TLK1: variants seen among roughly 807,000 people sequenced by gnomAD.
TLK1 encodes tousled like kinase 1, also known as serine/threonine-protein kinase tousled-like 1.
In TLK1, 24 loss-of-function variants were observed where a neutral mutation model predicts 105.3. That is an observed-to-expected ratio of 0.23 (90% confidence interval 0.17 to 0.32). The LOEUF (loss-of-function observed/expected upper bound fraction) is 0.32, where lower values mean the gene tolerates loss of function less well. TLK1 is among the 10% of genes least tolerant of loss of function. TLK1 has a pLI of 1.00. For missense variants in TLK1, 558 were observed against 910.5 expected, an observed-to-expected ratio of 0.61 and a Z score of 4.98; for synonymous variants, 321 against 310.4, an observed-to-expected ratio of 1.03 and a Z score of -0.36.
intron 1 of TLK1, among the ~76,000 whole-genome samples, chr2:171,152,930 G>C (rs1421467507): frequency 6.6e-6 from 1 of 152,130 alleles, no homozygotes; most frequent in African/African-American, 2.4e-5. Context: ...ATGAAGTGTA[G>C]GATTTGCACA....
At chr2:171,019,289 G>C (rs1055237379) in intron 12 of TLK1, among the ~76,000 whole-genome samples, 2 of 152,172 alleles carry the variant, frequency 1.3e-5, no homozygotes, top group Non-Finnish European at 2.9e-5. Flanking sequence ...TAGCAATGTA[G>C]AATTTCTGTA....
intron 12 of TLK1, among the ~76,000 whole-genome samples, chr2:171,016,922 T>C (rs113015315): frequency 6.6e-6 from 1 of 152,318 alleles, no homozygotes; most frequent in African/African-American, 2.4e-5. Flanking sequence ...CAAATGAAGA[T>C]AAATCTTTCT....
At chr2:170,998,081 TCTATCTATCTAC>T (rs200834128) in intron 18 of TLK1, among the ~76,000 whole-genome samples, 14,176 of 107,874 alleles carry the variant, frequency 0.13, 807 homozygotes, top group South Asian at 0.26. Flanking sequence ...TATCTATCTA[TCTATCTATCTAC>T]CTACCTACCT....
chr2:171,115,602 G>A (rs1479260082), intron 2 of TLK1, among the ~76,000 whole-genome samples: 1 of 152,118 alleles, frequency 6.6e-6, no homozygotes, highest in Non-Finnish European at 1.5e-5. Context: ...AATGACAGAG[G>A]AATACATCTT....
intron 2 of TLK1, among the ~76,000 whole-genome samples, chr2:171,109,850 C>A (rs1201757164): frequency 2.0e-5 from 3 of 152,138 alleles, no homozygotes. Flanking sequence ...CTCAAAAACA[C>A]TACATTAAAT....
chr2:170,993,792 T>C lies in TLK1; in HGVS notation c.2289A>G (p.Ile763Met), dbSNP rs1253984005. The change falls in exon 21 of 21, where the codon ATA (isoleucine) becomes ATG (methionine). Residue 763 changes from isoleucine to methionine, a missense_variant. Physicochemically the swap from Ile to Met is conservative, Grantham distance 10. Transcript: ENST00000431350. The stretch of plus-strand genomic sequence containing the variant: ...TCTTGGAGGAAAGTCAGTAAGTAAT[T>C]ATGCTTGAAGAAGGGGGTGTAGGGG... ...TASPTPPSSS[I>M]ITY 6.3e-7 allele frequency: 1 copy of C among 1,589,780 alleles called. No individual in the cohort carries two copies. Among genetic ancestry groups the C allele is most frequent in the South Asian group, 1.2e-5 (1 of 85,592 alleles).
chr2:171,204,386 C>T (rs1693460948), intron 1 of TLK1, among the ~76,000 whole-genome samples: 1 of 152,112 alleles, frequency 6.6e-6, no homozygotes. Context: ...CTAAAAGTAG[C>T]TAATGCCATG....
chr2:171,011,567 C>G (rs957271241), intron 13 of TLK1, 113 bp from the exon 14 acceptor site: 3 of 801,344 alleles, frequency 3.7e-6, no homozygotes, highest in Non-Finnish European at 5.8e-6. Context: ...TCAGTTACTC[C>G]ACTGCTAATT....
chr2:171,212,617 A>T (rs1283346344), intron 1 of TLK1, among the ~76,000 whole-genome samples: 1 of 152,154 alleles, frequency 6.6e-6, no homozygotes, highest in Non-Finnish European at 1.5e-5. Context: ...TTCGGAAAAG[A>T]AATTTAAGTC....
intron 1 of TLK1, among the ~76,000 whole-genome samples, chr2:171,208,142 G>A (rs1351277129): frequency 1.3e-5 from 2 of 151,390 alleles, no homozygotes; most frequent in African/African-American, 4.9e-5. Context: ...TTTTACTTTT[G>A]GCTTTAGTAA....
chr2:171,072,274 A>G (rs1159520666), intron 3 of TLK1, among the ~76,000 whole-genome samples: 1 of 152,162 alleles, frequency 6.6e-6, no homozygotes, highest in Non-Finnish European at 1.5e-5. Context: ...AATTTCTTGC[A>G]TCAATGTTTT....
At chr2:171,080,544 AAAT>A (rs71008747) in intron 3 of TLK1, among the ~76,000 whole-genome samples, 22,729 of 144,922 alleles carry the variant, frequency 0.16, 3,239 homozygotes, top group African/African-American at 0.38. Context: ...AGATACACTA[AAAT>A]AATAATAATA....
chr2:171,133,273 A>C (rs941436879), intron 1 of TLK1, among the ~76,000 whole-genome samples: 4 of 152,192 alleles, frequency 2.6e-5, no homozygotes, highest in Non-Finnish European at 5.9e-5. Flanking sequence ...AGATAAGAAA[A>C]GTATCTAAGA....
chr2:171,228,966 C>A (rs968396136), intron 1 of TLK1, among the ~76,000 whole-genome samples: 3 of 152,192 alleles, frequency 2.0e-5, no homozygotes, highest in African/African-American at 7.2e-5. Context: ...GGGCATCTGA[C>A]CTGGTCAAGC....
chr2:171,223,131 T>C (rs2105331728), intron 1 of TLK1, among the ~76,000 whole-genome samples: 1 of 152,228 alleles, frequency 6.6e-6, no homozygotes, highest in South Asian at 2.1e-4. Context: ...ATGTCTTTGA[T>C]ATTCTGATTT....
chr2:171,101,346 C>CAAAAAAAAAAAAAAAAAAAA lies in TLK1; in HGVS notation c.258+16392_258+16393insTTTTTTTTTTTTTTTTTTTT, dbSNP rs71401403. Among the ~76,000 whole-genome samples the CAAAAAAAAAAAAAAAAAAAA allele has an allele frequency of 6.0e-4, 38 of 63,486 alleles. 2 individuals are homozygous for CAAAAAAAAAAAAAAAAAAAA. The highest frequency in any genetic ancestry group is 2.5e-3 in the African/African-American group (35 of 13,836). 41.6% of individuals were successfully genotyped at this position (63,486 alleles called of 152,430 possible). A position where few individuals can be genotyped will look rare whatever the true frequency, so the allele number is the denominator to read the frequency against. The stretch of plus-strand genomic sequence containing the variant: ...GGACAACAAGAGTGAAACTCCGTCT[C>CAAAAAAAAAAAAAAAAAAAA]AAAAAAAAAAAAAAAAAAAGCCAGG... On this transcript the variant is annotated intron_variant, in intron 2 of 20. Coordinates refer to ENST00000431350, the MANE Select transcript of TLK1 (RefSeq NM_012290.5).
intron 12 of TLK1, among the ~76,000 whole-genome samples, chr2:171,026,780 T>C (rs1167244211): frequency 6.6e-6 from 1 of 152,134 alleles, no homozygotes; most frequent in African/African-American, 2.4e-5. Flanking sequence ...AATTCCCTTT[T>C]CGCTTCCATA....
intron 1 of TLK1, among the ~76,000 whole-genome samples, chr2:171,139,926 G>A (rs771416691): frequency 1.3e-5 from 2 of 152,108 alleles, no homozygotes; most frequent in African/African-American, 2.4e-5. Context: ...TAGATCCCTC[G>A]CATGTGCAGT....
intron 10 of TLK1, among the ~76,000 whole-genome samples, chr2:171,049,017 C>T (rs773516195): frequency 1.3e-5 from 2 of 152,138 alleles, no homozygotes; most frequent in African/African-American, 2.4e-5. Context: ...AAAGTTTGAT[C>T]TGAAAAGTAA....
Sources: allele counts gnomAD v4.1 joint callset (sites outside exome capture counted in the v4.1 genomes callset), GRCh38; gene constraint gnomAD v4.1.1; transcripts MANE v1.5; gene names NCBI Gene and HGNC (gene_info 2026-07-23, HGNC 2026-07-21).